The following MYO9A variants were observed in gnomAD, a reference collection of about 807,000 sequenced individuals.
MYO9A encodes myosin IXA.
Under a neutral mutation model 293.3 loss-of-function variants are expected in MYO9A, and 103 were observed. The observed-to-expected ratio is 0.35, with a 90% CI of 0.30 to 0.41. The LOEUF (loss-of-function observed/expected upper bound fraction) is 0.41. Among genes scored for constraint, MYO9A ranks in the 10% least tolerant of loss-of-function variants. The pLI is 1.00. For missense variants in MYO9A, 2,685 were observed against 3,033.0 expected (o/e 0.89, Z 2.69); for synonymous variants, 1,001 against 1,035.7 (o/e 0.97, Z 0.64).
chr15:72,054,012 A>G (rs549679075), intron 1 of MYO9A, among the ~76,000 whole-genome samples: 1 of 152,350 alleles, frequency 6.6e-6, no homozygotes, highest in South Asian at 2.1e-4. Flanking sequence ...AGATGGTCAA[A>G]GTTTTAAAAT....
intron 1 of MYO9A, among the ~76,000 whole-genome samples, chr15:72,059,805 A>AT (rs756935727): frequency 3.3e-5 from 5 of 152,220 alleles, no homozygotes; most frequent in Non-Finnish European, 7.3e-5. Flanking sequence ...AGGGAGAAAC[A>AT]TTTGCCTGCC....
intron 7 of MYO9A, among the ~76,000 whole-genome samples, chr15:72,009,702 A>G (rs2077117987): frequency 6.6e-6 from 1 of 152,266 alleles, no homozygotes; most frequent in Middle Eastern, 3.4e-3. Flanking sequence ...TGTCTCCAAA[A>G]AAAACAAAGA....
At chr15:71,859,904 G>T in intron 33 of MYO9A, 108 bp from the exon 34 acceptor site, 1 of 854,444 alleles carries the variant, frequency 1.2e-6, no homozygotes, top group Non-Finnish European at 1.8e-6. Flanking sequence ...TTAAATCTCA[G>T]ACTGCTGTAA....
At chr15:72,028,240 A>C (rs368878368) in intron 3 of MYO9A, among the ~76,000 whole-genome samples, 1 of 79,702 alleles carries the variant, frequency 1.3e-5, no homozygotes, top group African/African-American at 4.0e-5. Flanking sequence ...TATATATATA[A>C]ATATATATAT....
chr15:71,993,509 T>G (rs1395049488), intron 10 of MYO9A, among the ~76,000 whole-genome samples: 7 of 152,106 alleles, frequency 4.6e-5, no homozygotes, highest in African/African-American at 1.7e-4. Context: ...TCATTAAAAA[T>G]AATGCAATAA....
intron 11 of MYO9A, among the ~76,000 whole-genome samples, chr15:71,987,500 CT>C: frequency 6.6e-6 from 1 of 152,182 alleles, no homozygotes; most frequent in African/African-American, 2.4e-5. Context: ...TGAGCTTCAG[CT>C]CACTATTTGA....
intron 15 of MYO9A, among the ~76,000 whole-genome samples, chr15:71,941,735 C>G (rs1455336178): frequency 6.6e-6 from 1 of 151,426 alleles, no homozygotes; most frequent in Non-Finnish European, 1.5e-5. Context: ...TGCTGAATGC[C>G]AAATATGAAG....
intron 27 of MYO9A, 63 bp from the exon 28 acceptor site, chr15:71,883,799 T>C (rs1567228188): frequency 5.6e-6 from 8 of 1,424,952 alleles, no homozygotes; most frequent in Non-Finnish European, 5.7e-6. Context: ...TATTTGTATA[T>C]ATCACTTTAA....
chr15:71,935,424 A>G lies in MYO9A; in HGVS notation c.2439T>C (p.Ser813=). The change falls in exon 17 of 42, where the codon AGT becomes AGC. Residue 813 remains serine (S), a synonymous_variant. Transcript: ENST00000356056. ...RTGIRQSRLS[S]GTSLLDKDGI... is the part of the protein sequence containing the mutation. The stretch of plus-strand genomic sequence containing the variant: ...CATCTTTATCAAGCAAGGAGGTGCC[A>G]CTTGATAGTCTGCTCTGGCGAATCC... 5.0e-6 allele frequency: 8 copies of G among 1,613,640 alleles called. No individual in the cohort carries two copies. The highest frequency in any genetic ancestry group is 6.8e-6 in the Non-Finnish European group (8 of 1,179,630).
intron 35 of MYO9A, 72 bp from the exon 36 acceptor site, chr15:71,852,332 CTA>C: frequency 8.4e-7 from 1 of 1,185,054 alleles, no homozygotes; most frequent in East Asian, 2.7e-5. Context: ...ACTTTAGAAA[CTA>C]TCATCATTAA....
chr15:71,948,915 C>T (rs1043780246), intron 15 of MYO9A, among the ~76,000 whole-genome samples: 2 of 141,138 alleles, frequency 1.4e-5, no homozygotes, highest in South Asian at 2.3e-4. Context: ...TGGACTCAAA[C>T]TGCAAATACA....
chr15:71,850,780 A>G (rs1306463622), intron 37 of MYO9A, among the ~76,000 whole-genome samples: 11 of 138,374 alleles, frequency 7.9e-5, no homozygotes, highest in Non-Finnish European at 1.5e-4. Flanking sequence ...AAAAAAAAAA[A>G]AAAAAAAAAA....
intron 1 of MYO9A, among the ~76,000 whole-genome samples, chr15:72,078,214 C>A (rs144553539): frequency 6.6e-6 from 1 of 152,154 alleles, no homozygotes; most frequent in Non-Finnish European, 1.5e-5. Flanking sequence ...CACTACAGGG[C>A]TTGCCAGGGT....
At chr15:71,947,658 G>T (rs1203166312) in intron 15 of MYO9A, among the ~76,000 whole-genome samples, 1 of 152,058 alleles carries the variant, frequency 6.6e-6, no homozygotes, top group Non-Finnish European at 1.5e-5. Flanking sequence ...TCAATCATCT[G>T]AATGACCATC....
chr15:71,955,653 T>G (rs1303042149), intron 14 of MYO9A, among the ~76,000 whole-genome samples: 1 of 152,240 alleles, frequency 6.6e-6, no homozygotes, highest in Admixed American at 6.5e-5. Flanking sequence ...TAGAATATTC[T>G]TTTTTATATG....
intron 16 of MYO9A, among the ~76,000 whole-genome samples, chr15:71,937,885 T>G (rs1308937221): frequency 6.6e-6 from 1 of 152,166 alleles, no homozygotes; most frequent in Non-Finnish European, 1.5e-5. Context: ...AGGTCAAGGT[T>G]AACTATCTAA....
intron 1 of MYO9A, among the ~76,000 whole-genome samples, chr15:72,093,300 G>A (rs1183473218): frequency 1.3e-5 from 2 of 151,970 alleles, no homozygotes; most frequent in Admixed American, 1.3e-4. Flanking sequence ...GGTTATGGTG[G>A]GCTGATCACT....
At chr15:72,091,489 C>T (rs1215398666) in intron 1 of MYO9A, among the ~76,000 whole-genome samples, 1 of 152,070 alleles carries the variant, frequency 6.6e-6, no homozygotes, top group African/African-American at 2.4e-5. Context: ...ATACGCAAGC[C>T]TAACTGCTCA....
At chr15:71,951,270 T>C (rs1415344772) in intron 15 of MYO9A, among the ~76,000 whole-genome samples, 24 of 152,150 alleles carry the variant, frequency 1.6e-4, no homozygotes, top group African/African-American at 2.4e-5. Flanking sequence ...AGAAAAATCA[T>C]CCAGATTTAG....
Sources: allele counts gnomAD v4.1 joint callset (sites outside exome capture counted in the v4.1 genomes callset), GRCh38; gene constraint gnomAD v4.1.1; transcripts MANE v1.5; gene names NCBI Gene and HGNC (gene_info 2026-07-23, HGNC 2026-07-21).